CEP72: variants seen among roughly 807,000 people sequenced by gnomAD.
CEP72 encodes centrosomal protein of 72 kDa.
In CEP72, 78 loss-of-function variants were observed where a neutral mutation model predicts 65.7. That is an observed-to-expected ratio of 1.19 (90% CI 0.99 to 1.43). The LOEUF (loss-of-function observed/expected upper bound fraction) is 1.43, where lower values mean the gene tolerates loss of function less well. Among genes scored for constraint, CEP72 ranks in the 40% most tolerant of loss-of-function variants. The probability of loss-of-function intolerance (pLI) is 0.00; values close to 1 mark genes in which losing one functional copy is unlikely to be tolerated. For missense variants in CEP72, 914 were observed against 832.9 expected (o/e 1.10, Z -1.20); for synonymous variants, 358 against 351.7 (o/e 1.02, Z -0.20).
the CEP72 span, chr5:676,435 A>G: frequency 1.4e-4 from 22 of 152,344 alleles, no homozygotes; most frequent in African/African-American, 4.8e-4. Flanking sequence ...CCTTCCACAC[A>G]GGGGCATCTG....
chr5:641,341 G>C (rs1284744099), intron 9 of CEP72: 5 of 985,308 alleles, frequency 5.1e-6, no homozygotes, highest in Admixed American at 1.2e-4. Flanking sequence ...GTCCTGGTGT[G>C]AGGGCAGAGC....
chr5:633,662 C>A, intron 4 of CEP72, 107 bp from the exon 5 acceptor site: 2 of 1,086,178 alleles, frequency 1.8e-6, no homozygotes, highest in Non-Finnish European at 2.7e-6. Flanking sequence ...GTTTGCAGCA[C>A]GCTGCTTCTC....
chr5:642,680 A>G, intron 9 of CEP72: 1 of 985,284 alleles, frequency 1.0e-6, no homozygotes, highest in East Asian at 1.1e-4. Flanking sequence ...CTCTGGACAG[A>G]GCAGCCCTGG....
intron 11 of CEP72, among the ~76,000 whole-genome samples, chr5:649,373 CTGTGAGGTGTGACTG>C (rs1388718278): frequency 8.4e-6 from 1 of 118,748 alleles, no homozygotes; most frequent in Non-Finnish European, 1.7e-5. Flanking sequence ...TGAGGTGTGA[CTGTGAGGTGTGACTG>C]TGAGGTGTGC....
downstream of CEP72, among the ~76,000 whole-genome samples, chr5:669,658 G>A (rs528863485): frequency 6.6e-6 from 1 of 152,282 alleles, no homozygotes; most frequent in South Asian, 2.1e-4. Context: ...GTCACTCGGC[G>A]GGAGGGGGAT....
intron 11 of CEP72, among the ~76,000 whole-genome samples, chr5:650,254 T>C (rs1169640472): frequency 1.3e-4 from 4 of 30,426 alleles, no homozygotes; most frequent in African/African-American, 1.1e-3. Flanking sequence ...GACTGTGAGG[T>C]GTGACTGTGA....
intron 4 of CEP72, among the ~76,000 whole-genome samples, chr5:628,581 C>G (rs36143905): frequency 4.3e-3 from 533 of 123,962 alleles, no homozygotes; most frequent in East Asian, 8.8e-3. Context: ...CAGGACCCAG[C>G]CCCCTTCTTT....
In CEP72 at chr5:619,051, T is replaced by C; in HGVS notation, c.144T>C (p.His48=). 2 of 1,613,366 alleles carry C rather than the reference T, an allele frequency of 1.2e-6. No homozygotes were observed. Among genetic ancestry groups the C allele is most frequent in the South Asian group, 1.1e-5 (1 of 91,066 alleles). The change falls in exon 2 of 12, where the codon CAT becomes CAC. Residue 48 remains histidine, a synonymous_variant. Transcript: ENST00000264935. ...AAGAGAAGATCACCCACCTGGGACATTCTCTGATGAGTTTAACAGGTCTGA... is the reference window on the plus strand; with the variant it reads ...AAGAGAAGATCACCCACCTGGGACACTCTCTGATGAGTTTAACAGGTCTGA... ...TYQEKITHLG[H]SLMSLTGLKS...
rs1468459699 is a variant in CEP72, at chr5:624,304, C to T, written c.404-167C>T. ...GCGGCCTCAGCACCACGCTGGGCAT[C>T]GCCGGGAAGCTGTGGGACCACCAGA... On this transcript the variant is annotated intron_variant, in intron 3 of 11. Coordinates refer to ENST00000264935, the MANE Select transcript of CEP72 (RefSeq NM_018140.4). The surrounding 1 kb of genome is among the most constrained non-coding windows in gnomAD (Gnocchi z 4.7). 2.6e-5 allele frequency among the ~76,000 whole-genome samples: 4 copies of T among 152,204 alleles called. No homozygotes were observed. Among genetic ancestry groups the T allele is most frequent in the African/African-American group, 9.6e-5 (4 of 41,460 alleles).
chr5:651,903 C>G (rs372284612), intron 11 of CEP72, among the ~76,000 whole-genome samples: 4 of 151,964 alleles, frequency 2.6e-5, no homozygotes, highest in South Asian at 4.2e-4. Context: ...GGCTGCCACA[C>G]TTACCTGGGT....
intron 4 of CEP72, 67 bp from the exon 5 acceptor site, chr5:633,702 C>G: frequency 6.7e-7 from 1 of 1,483,400 alleles, no homozygotes; most frequent in Non-Finnish European, 9.3e-7. Flanking sequence ...TTTCCTTCTC[C>G]TGGTCTGCGT....
intron 11 of CEP72, among the ~76,000 whole-genome samples, chr5:650,005 TG>T (rs755409470): frequency 7.9e-5 from 7 of 88,612 alleles, no homozygotes; most frequent in Admixed American, 1.3e-4. Context: ...CTGTGAGGCG[TG>T]GACTGTGAGG....
chr5:624,844 C>G lies in CEP72; in HGVS notation c.512+265C>G, dbSNP rs1453207511. ...AAAATCAACTCAGCAAAGGGCTTGTCCTGTCCCTTTCCCGGGGCTGGCAGC... is the reference window on the plus strand; with the variant it reads ...AAAATCAACTCAGCAAAGGGCTTGTGCTGTCCCTTTCCCGGGGCTGGCAGC... On this transcript the variant is annotated intron_variant, in intron 4 of 11. Coordinates refer to ENST00000264935, the MANE Select transcript of CEP72 (RefSeq NM_018140.4). The surrounding 1 kb of genome is among the most constrained non-coding windows in gnomAD (Gnocchi z 4.7). 6.6e-6 allele frequency among the ~76,000 whole-genome samples: 1 copy of G among 152,226 alleles called. No homozygotes were observed. The highest frequency in any genetic ancestry group is 1.5e-5 in the Non-Finnish European group (1 of 68,036).
At position 623,577 on chromosome 5, in the gene CEP72, C is replaced by G. The variant is rs1027992308; in HGVS notation, c.404-894C>G. 4.0e-5 allele frequency among the ~76,000 whole-genome samples: 6 copies of G among 151,832 alleles called. No individual in the cohort carries two copies. The highest frequency in any genetic ancestry group is 1.5e-4 in the African/African-American group (6 of 41,296). On this transcript the variant is annotated intron_variant, in intron 3 of 11. Coordinates refer to ENST00000264935, the MANE Select transcript of CEP72 (RefSeq NM_018140.4). The surrounding 1 kb of genome is among the most constrained non-coding windows in gnomAD (Gnocchi z 5.3). The stretch of plus-strand genomic sequence containing the variant: ...TGGAGTACGGGATTTGGAACTGACT[C>G]AGAAGGGAAGCGAGTCTTGGTGGGC...
intron 4 of CEP72, among the ~76,000 whole-genome samples, chr5:625,039 G>A (rs942038463): frequency 2.1e-4 from 32 of 152,158 alleles, no homozygotes; most frequent in African/African-American, 7.5e-4. Flanking sequence ...GCCGGGATGC[G>A]CCTTCCTGTC....
chr5:669,267 G>A (rs535336317), downstream of CEP72, among the ~76,000 whole-genome samples: 3 of 138,670 alleles, frequency 2.2e-5, no homozygotes, highest in Non-Finnish European at 3.2e-5. Context: ...ATCCCCCAGG[G>A]GGCGCTGGTG....
intron 11 of CEP72, among the ~76,000 whole-genome samples, chr5:649,568 C>T (rs1430430379): frequency 5.7e-5 from 5 of 87,028 alleles, no homozygotes; most frequent in Non-Finnish European, 8.5e-5. Context: ...GACTGTGAGG[C>T]GTGGACTGTG....
chr5:643,761 G>C, intron 9 of CEP72: 1 of 656,744 alleles, frequency 1.5e-6, no homozygotes, highest in Non-Finnish European at 1.9e-6. Flanking sequence ...GGGAGGGGCA[G>C]AGGCTGCCGT....
At chr5:636,724 C>T (rs1035600960) in intron 6 of CEP72, among the ~76,000 whole-genome samples, 8 of 150,664 alleles carry the variant, frequency 5.3e-5, no homozygotes, top group African/African-American at 9.8e-5. Context: ...GCATGAGAAT[C>T]GCTTGAACCT....
Sources: gnomAD v4.1 joint callset for allele counts (sites outside exome capture counted in the v4.1 genomes callset) on GRCh38, gnomAD v4.1.1 for gene constraint, Gnocchi (gnomAD v3.1) non-coding constraint, MANE v1.5 for transcripts, NCBI Gene and HGNC (gene_info 2026-07-23, HGNC 2026-07-21) for gene names.